Variants in PTPRG observed in about 807,000 individuals in gnomAD.
The protein encoded by PTPRG is protein tyrosine phosphatase receptor type G.
Under a neutral mutation model 165.3 loss-of-function variants are expected in PTPRG, and 102 were observed. The observed-to-expected ratio is 0.62, with a 90% CI of 0.53 to 0.73. The LOEUF is 0.73. PTPRG is among the 30% of genes least tolerant of loss of function. The probability of loss-of-function intolerance (pLI) is 0.00; values close to 1 mark genes in which losing one functional copy is unlikely to be tolerated. For synonymous variants in PTPRG, 675 were observed against 669.5 expected, an observed-to-expected ratio of 1.01 and a Z score of -0.13; for missense variants, 1,866 against 1,861.4, an observed-to-expected ratio of 1.00 and a Z score of -0.05.
At position 62,195,689 on chromosome 3, in the gene PTPRG, C is replaced by G. The variant is rs572716139; in HGVS notation, c.1327+519C>G. Reference sequence around the variant, plus strand: ...AGGGACTAATAGAAAGGTCCAGGGCCAGAACTAGGGTGAAGCAAATGGGAC... The same window carrying G: ...AGGGACTAATAGAAAGGTCCAGGGCGAGAACTAGGGTGAAGCAAATGGGAC... On this transcript the variant is annotated intron_variant, in intron 10 of 29. Transcript: ENST00000474889. This position sits in a 1 kb window ranked among gnomAD's most constrained non-coding sequence, Gnocchi z 4.4. Among the ~76,000 whole-genome samples the G allele has an allele frequency of 3.3e-5, 5 of 152,094 alleles. No homozygotes were observed. Among genetic ancestry groups the G allele is most frequent in the Non-Finnish European group, 7.4e-5 (5 of 68,026 alleles).
intron 5 of PTPRG, among the ~76,000 whole-genome samples, chr3:62,121,033 C>T (rs1394762824): frequency 2.0e-5 from 3 of 151,776 alleles, no homozygotes; most frequent in Non-Finnish European, 4.4e-5. Flanking sequence ...CAAGCTGTGC[C>T]CCCCGGGTTC....
At chr3:61,737,074 C>T (rs192579284) in intron 1 of PTPRG, among the ~76,000 whole-genome samples, 5 of 152,108 alleles carry the variant, frequency 3.3e-5, no homozygotes, top group Admixed American at 3.3e-4. Flanking sequence ...TTTTTCCTGC[C>T]TCAACATCCT....
chr3:61,870,902 G>T (rs1278011028), intron 2 of PTPRG, among the ~76,000 whole-genome samples: 1 of 152,076 alleles, frequency 6.6e-6, no homozygotes, highest in Non-Finnish European at 1.5e-5. Flanking sequence ...GAAATTTTCA[G>T]AAATCACTGC....
At chr3:61,867,078 G>C (rs2037432845) in intron 2 of PTPRG, among the ~76,000 whole-genome samples, 1 of 152,148 alleles carries the variant, frequency 6.6e-6, no homozygotes, top group African/African-American at 2.4e-5. Context: ...ATTGGAAAGG[G>C]ATCAGTACCA....
chr3:62,069,287 A>C (rs1701122751), intron 4 of PTPRG, among the ~76,000 whole-genome samples: 1 of 152,206 alleles, frequency 6.6e-6, no homozygotes, highest in Admixed American at 6.5e-5. Context: ...ACTGGGCCTT[A>C]GAAATCTCCA....
At chr3:62,184,104 C>T (rs2106783958) in intron 8 of PTPRG, among the ~76,000 whole-genome samples, 1 of 152,276 alleles carries the variant, frequency 6.6e-6, no homozygotes, top group South Asian at 2.1e-4. Context: ...AGCCCAGTGT[C>T]ATCATCTTTC....
chr3:61,879,746 C>T (rs1245889166), intron 2 of PTPRG, among the ~76,000 whole-genome samples: 5 of 152,144 alleles, frequency 3.3e-5, no homozygotes, highest in African/African-American at 1.2e-4. Flanking sequence ...TAACTAGAAC[C>T]TCCAGTGCAG....
At chr3:61,641,506 A>G (rs1702060483) in intron 1 of PTPRG, among the ~76,000 whole-genome samples, 1 of 152,094 alleles carries the variant, frequency 6.6e-6, no homozygotes, top group African/African-American at 2.4e-5. Flanking sequence ...CATGCCACCC[A>G]TTTTACTGAT....
rs533280197 is a variant in PTPRG, at chr3:61,793,609, G to A, written c.190+44627G>A. Among the ~76,000 whole-genome samples the A allele has an allele frequency of 5.7e-4, 87 of 152,134 alleles. 1 individual carries two copies. Among genetic ancestry groups the A allele is most frequent in the African/African-American group, 2.0e-3 (84 of 41,506 alleles). On this transcript the variant is annotated intron_variant, in intron 2 of 29. Coordinates refer to ENST00000474889, the MANE Select transcript of PTPRG (RefSeq NM_002841.4). ...TATGTTCTTTTCTATCAAAAAATAA[G>A]CAATACAATGGGGAAAGGGACACAA...
intron 1 of PTPRG, among the ~76,000 whole-genome samples, chr3:61,715,763 A>T (rs1473001001): frequency 6.6e-6 from 1 of 152,188 alleles, no homozygotes; most frequent in Admixed American, 6.5e-5. Flanking sequence ...AACAGGAAAG[A>T]AGTAAAAGAC....
chr3:61,911,235 C>G (rs1462747905), intron 2 of PTPRG, among the ~76,000 whole-genome samples: 1 of 152,154 alleles, frequency 6.6e-6, no homozygotes, highest in African/African-American at 2.4e-5. Context: ...AGACATTTCC[C>G]TTGTGAACTT....
At position 61,794,571 on chromosome 3, in the gene PTPRG, T is replaced by C. The variant is rs571142714; in HGVS notation, c.190+45589T>C. Among the ~76,000 whole-genome samples, 19 of 152,356 alleles carry C rather than the reference T, an allele frequency of 1.2e-4. No individual in the cohort carries two copies. The South Asian group carries it at 3.9e-3, about 32-fold the overall frequency. ...TTTTGGTGTAAAGAAAATTGAAATA[T>C]AAGACGTCAGTGATAGCATGCTTTG... On this transcript the variant is annotated intron_variant, in intron 2 of 29. Coordinates refer to ENST00000474889, the MANE Select transcript of PTPRG (RefSeq NM_002841.4).
chr3:62,204,349 C>T (rs1426043247), intron 12 of PTPRG, among the ~76,000 whole-genome samples: 1 of 152,038 alleles, frequency 6.6e-6, no homozygotes, highest in Non-Finnish European at 1.5e-5. Context: ...GGTGCTGTCC[C>T]AGGGGATCCT....
At position 62,203,678 on chromosome 3, in the gene PTPRG, C is replaced by G. The variant is rs751593508; in HGVS notation, c.1883C>G (p.Ser628Trp). Residue 628 changes from serine (S) to tryptophan (W), a missense_variant, in exon 12 of 30, where the codon TCG becomes TGG. By Grantham distance (177) the Ser-to-Trp change is radical (BLOSUM62 -3). Around this residue, in one of 3 missense-constraint regions of PTPRG, gnomAD observed 1,452 missense variants for 1,463.0 expected, o/e 0.99. Transcript: ENST00000474889. This position sits in a 1 kb window ranked among gnomAD's most constrained non-coding sequence, Gnocchi z 6.4. Reference protein sequence around the residue: ...RNQTEPSPTPSSPNRTAEGGH... With the variant: ...RNQTEPSPTPWSPNRTAEGGH... ...CAGACGGAGCCCAGCCCCACACCCT[C>G]GTCTCCTAACAGGACTGCCGAGGGA... 5 of 1,567,002 alleles carry G rather than the reference C, an allele frequency of 3.2e-6. No homozygotes were observed. The highest frequency in any genetic ancestry group is 4.3e-6 in the Non-Finnish European group (5 of 1,155,378).
intron 8 of PTPRG, among the ~76,000 whole-genome samples, chr3:62,173,749 G>A (rs1291303700): frequency 2.0e-5 from 3 of 149,788 alleles, no homozygotes; most frequent in Admixed American, 2.0e-4. Flanking sequence ...CGCCTCCTCT[G>A]TTCCCTGGTT....
At chr3:62,099,776 G>GTACTTAAGT (rs1218939717) in intron 5 of PTPRG, among the ~76,000 whole-genome samples, 1 of 142,266 alleles carries the variant, frequency 7.0e-6, no homozygotes, top group Non-Finnish European at 1.5e-5. Context: ...AGTAGTCATA[G>GTACTTAAGT]TACTTAAGTG....
chr3:62,077,276 T>TA (rs1701419125), intron 4 of PTPRG, among the ~76,000 whole-genome samples: 2 of 148,154 alleles, frequency 1.3e-5, no homozygotes, highest in Non-Finnish European at 3.0e-5. Flanking sequence ...GTTTGTTTGT[T>TA]TAAAAAAAAA....
At chr3:61,804,045 G>C (rs191754678) in intron 2 of PTPRG, among the ~76,000 whole-genome samples, 1 of 152,114 alleles carries the variant, frequency 6.6e-6, no homozygotes, top group Non-Finnish European at 1.5e-5. Flanking sequence ...ATGCAGGTTC[G>C]TAGTAAAGAA....
At chr3:61,829,600 CTA>C (rs754071426) in intron 2 of PTPRG, among the ~76,000 whole-genome samples, 2 of 152,324 alleles carry the variant, frequency 1.3e-5, no homozygotes, top group East Asian at 3.9e-4. Context: ...TTTGATGCGA[CTA>C]CAGTTTGGAT....
Sources: allele counts gnomAD v4.1 joint callset (sites outside exome capture counted in the v4.1 genomes callset), GRCh38; gene constraint gnomAD v4.1.1; regional missense constraint gnomAD v4.1.1; non-coding constraint Gnocchi (gnomAD v3.1); transcripts MANE v1.5; gene names NCBI Gene and HGNC (gene_info 2026-07-23, HGNC 2026-07-21).